VRTN: variants seen among roughly 807,000 people sequenced by gnomAD.
The protein encoded by VRTN is vertebrae development associated.
VRTN carries 5 observed loss-of-function variants against 18.2 expected under a neutral mutation model. The ratio of observed to expected loss-of-function variants is 0.27; its 90% CI spans 0.14 to 0.58. The LOEUF (loss-of-function observed/expected upper bound fraction) is 0.58. Among genes scored for constraint, VRTN ranks in the 20% least tolerant of loss-of-function variants. The pLI, the probability that VRTN is intolerant of heterozygous loss-of-function variation, is 0.91. For synonymous variants in VRTN, 381 were observed against 393.7 expected (o/e 0.97, Z 0.38); for missense variants, 741 against 939.4 (o/e 0.79, Z 2.76).
chr14:74,354,607 A>G (rs1356295595), intron 1 of VRTN, among the ~76,000 whole-genome samples: 1 of 151,734 alleles, frequency 6.6e-6, no homozygotes, highest in Admixed American at 6.6e-5. Context: ...GTTTCACCAC[A>G]TTGGCCAGGA....
At position 74,358,909 on chromosome 14, in the gene VRTN, G is replaced by C. The variant is rs769057148; in HGVS notation, c.*17G>C. The C allele has an allele frequency of 6.3e-7, 1 of 1,593,934 alleles. No individual in the cohort carries two copies. The highest frequency in any genetic ancestry group is 1.1e-5 in the South Asian group (1 of 88,040). On this transcript the variant is annotated 3_prime_UTR_variant, in exon 2 of 2. Transcript: ENST00000256362. This position sits in a 1 kb window ranked among gnomAD's most constrained non-coding sequence, Gnocchi z 5.4. ...GATGGCTGACAGGGAGGTACAAAAG[G>C]GGCTGGGAAGAAGGGGGACCAGTTT...
chr14:74,325,810 A>G (rs1414655618), intron 1 of VRTN, among the ~76,000 whole-genome samples: 1 of 152,176 alleles, frequency 6.6e-6, no homozygotes, highest in African/African-American at 2.4e-5. Flanking sequence ...ATATTAATAC[A>G]TAATAAACAT....
rs183477220 is a variant in VRTN at position 74,337,049 on chromosome 14, G to A, written c.-163-674G>A. On this transcript the variant is annotated intron_variant, in intron 1 of 2. Coordinates refer to the VRTN transcript ENST00000557177. ...TATTTTTGTATCTGTTTGTACTGAT[G>A]AAAAGAAACTCTGGGCCAGGTGCAG... Among the ~76,000 whole-genome samples the A allele has an allele frequency of 1.2e-3, 177 of 152,240 alleles. 1 individual carries two copies. Among genetic ancestry groups the A allele is most frequent in the East Asian group, 7.7e-4 (4 of 5,188 alleles).
At chr14:74,332,730 C>T (rs931587235) in intron 1 of VRTN, among the ~76,000 whole-genome samples, 2 of 152,014 alleles carry the variant, frequency 1.3e-5, no homozygotes, top group Admixed American at 6.6e-5. Flanking sequence ...CTCTTTTTAC[C>T]TCTTTTCACA....
intron 1 of VRTN, among the ~76,000 whole-genome samples, chr14:74,335,975 A>T (rs2085561345): frequency 6.6e-6 from 1 of 151,548 alleles, no homozygotes; most frequent in African/African-American, 2.4e-5. Flanking sequence ...TTCTGACCTC[A>T]AGTGATCTGC....
At chr14:74,316,130 T>G (rs969535326) in intron 1 of VRTN, among the ~76,000 whole-genome samples, 2 of 152,270 alleles carry the variant, frequency 1.3e-5, no homozygotes, top group African/African-American at 4.8e-5. Flanking sequence ...GGGGTCAACA[T>G]GTCCATCACC....
chr14:74,337,374 CAAACA>C (rs1174446827), intron 1 of VRTN, among the ~76,000 whole-genome samples: 1 of 151,616 alleles, frequency 6.6e-6, no homozygotes, highest in Non-Finnish European at 1.5e-5. Context: ...AACAAACAAA[CAAACA>C]AAACAACAAA....
upstream of VRTN, among the ~76,000 whole-genome samples, chr14:74,348,184 C>T (rs1434155612): frequency 1.3e-5 from 2 of 152,180 alleles, no homozygotes; most frequent in African/African-American, 2.4e-5. Flanking sequence ...CTTTCTTCCC[C>T]TAGGTCTTTC....
intron 1 of VRTN, among the ~76,000 whole-genome samples, chr14:74,313,421 GT>G (rs2085401126): frequency 6.6e-6 from 1 of 152,142 alleles, no homozygotes; most frequent in African/African-American, 2.4e-5. Context: ...AAAAATGAAA[GT>G]TTGTTAAAAT....
chr14:74,303,107 A>G (rs1363558126), exon 1 of VRTN: 2 of 481,208 alleles, frequency 4.2e-6, no homozygotes, highest in Non-Finnish European at 7.2e-6. Context: ...CCCGGCGGCT[A>G]CAGCGCCCCC....
chr14:74,345,346 ATT>A (rs34124259), upstream of VRTN, among the ~76,000 whole-genome samples: 1,239 of 94,582 alleles, frequency 0.013, 12 homozygotes, highest in African/African-American at 0.036. Flanking sequence ...CACCCTGCCT[ATT>A]TTTTTTTTTT....
intron 1 of VRTN, among the ~76,000 whole-genome samples, chr14:74,329,719 C>T (rs1247854697): frequency 3.3e-5 from 5 of 151,692 alleles, no homozygotes; most frequent in Non-Finnish European, 5.9e-5. Flanking sequence ...GCTGGGACTA[C>T]AGGTATGTGC....
At chr14:74,336,407 C>CA (rs529207774) in intron 1 of VRTN, among the ~76,000 whole-genome samples, 9 of 151,378 alleles carry the variant, frequency 5.9e-5, no homozygotes, top group South Asian at 2.1e-4. Flanking sequence ...AACTCTGTCT[C>CA]AAAAAAAACC....
upstream of VRTN, among the ~76,000 whole-genome samples, chr14:74,345,925 C>CAA (rs754493021): frequency 1.2e-4 from 8 of 65,608 alleles, no homozygotes; most frequent in East Asian, 8.2e-4. Flanking sequence ...ACTCCATCTC[C>CAA]AAAAAAAAAA....
upstream of VRTN, among the ~76,000 whole-genome samples, chr14:74,345,711 G>C (rs1374188649): frequency 1.1e-4 from 17 of 149,782 alleles, 1 homozygote; most frequent in South Asian, 1.1e-3. Flanking sequence ...ATCACCTGTG[G>C]TCAGGAGTTC....
At chr14:74,330,844 T>C (rs1368016857) in intron 1 of VRTN, among the ~76,000 whole-genome samples, 1 of 152,010 alleles carries the variant, frequency 6.6e-6, no homozygotes, top group African/African-American at 2.4e-5. Flanking sequence ...AGAGCCCACG[T>C]TGTTGCCTCA....
intron 1 of VRTN, among the ~76,000 whole-genome samples, chr14:74,327,921 A>G (rs889467086): frequency 6.6e-6 from 1 of 151,924 alleles, no homozygotes; most frequent in Non-Finnish European, 1.5e-5. Flanking sequence ...GGGTTTCACA[A>G]TGTTGGCCGG....
At chr14:74,328,988 G>A (rs1276129626) in intron 1 of VRTN, among the ~76,000 whole-genome samples, 1 of 151,612 alleles carries the variant, frequency 6.6e-6, no homozygotes, top group Non-Finnish European at 1.5e-5. Context: ...ACAAAAATTG[G>A]GGCTGGGCAC....
chr14:74,315,187 A>G (rs903740053), intron 1 of VRTN, among the ~76,000 whole-genome samples: 2 of 152,276 alleles, frequency 1.3e-5, no homozygotes, highest in East Asian at 3.9e-4. Flanking sequence ...CTGAGCCCCA[A>G]CAGTATTAAG....
Sources: gnomAD v4.1 joint callset for allele counts (sites outside exome capture counted in the v4.1 genomes callset) on GRCh38, gnomAD v4.1.1 for gene constraint, Gnocchi (gnomAD v3.1) non-coding constraint, MANE v1.5 for transcripts, NCBI Gene and HGNC (gene_info 2026-07-23, HGNC 2026-07-21) for gene names.